ADCY9: variants seen among roughly 807,000 people sequenced by gnomAD.
ADCY9 encodes adenylate cyclase 9.
Under a neutral mutation model 101.5 loss-of-function variants are expected in ADCY9, and 50 were observed. The observed-to-expected ratio is 0.49, with a 90% CI of 0.39 to 0.62. ADCY9 has a LOEUF of 0.62. Ranked by LOEUF, ADCY9 falls within the 20% of genes least tolerant of loss-of-function variation. The pLI, the probability that ADCY9 is intolerant of heterozygous loss-of-function variation, is 0.00. For missense variants in ADCY9, 1,662 were observed against 1,800.4 expected (o/e 0.92, Z 1.39); for synonymous variants, 905 against 769.3 (o/e 1.18, Z -2.92).
At chr16:4,044,370 AC>A (rs1427837036) in intron 2 of ADCY9, among the ~76,000 whole-genome samples, 1 of 152,090 alleles carries the variant, frequency 6.6e-6, no homozygotes, top group Non-Finnish European at 1.5e-5. Flanking sequence ...AAACAAAAAA[AC>A]AAAAAAAAAA....
intron 2 of ADCY9, among the ~76,000 whole-genome samples, chr16:4,058,281 C>T (rs1337256161): frequency 2.7e-5 from 4 of 149,996 alleles, no homozygotes; most frequent in East Asian, 4.0e-4. Context: ...CTGGCCAACA[C>T]GGTAAAACCC....
chr16:4,056,800 G>A (rs1255527892), intron 2 of ADCY9, among the ~76,000 whole-genome samples: 1 of 152,176 alleles, frequency 6.6e-6, no homozygotes, highest in Non-Finnish European at 1.5e-5. Flanking sequence ...GACGATGGAG[G>A]TGCAGAGGTT....
chr16:4,067,697 C>A (rs1241144317), intron 2 of ADCY9, among the ~76,000 whole-genome samples: 1 of 152,104 alleles, frequency 6.6e-6, no homozygotes, highest in Non-Finnish European at 1.5e-5. Context: ...TGCAGCTGAC[C>A]CTCGGGAGAG....
At chr16:4,102,657 T>G (rs1208079850) in intron 2 of ADCY9, among the ~76,000 whole-genome samples, 5 of 152,156 alleles carry the variant, frequency 3.3e-5, no homozygotes, top group Admixed American at 3.3e-4. Flanking sequence ...ACTCCCGACC[T>G]CAGGTGATCC....
chr16:3,979,006 T>G, intron 8 of ADCY9, 110 bp downstream of exon 8: 1 of 1,411,938 alleles, frequency 7.1e-7, no homozygotes, highest in Non-Finnish European at 9.8e-7. Context: ...TGAGCCACCA[T>G]GCCTGGCCAA....
chr16:3,977,885 T>A (rs1196698996), intron 8 of ADCY9, among the ~76,000 whole-genome samples: 6 of 152,054 alleles, frequency 3.9e-5, no homozygotes, highest in Non-Finnish European at 8.8e-5. Context: ...CCTCGCTAAT[T>A]TTTGTATTTT....
chr16:4,040,144 T>A (rs531861799), intron 2 of ADCY9, among the ~76,000 whole-genome samples: 1 of 152,280 alleles, frequency 6.6e-6, no homozygotes, highest in African/African-American at 2.4e-5. Context: ...AGGCTAAAAT[T>A]TTGGTTTCTG....
intron 2 of ADCY9, among the ~76,000 whole-genome samples, chr16:4,031,353 A>G (rs1380088935): frequency 2.0e-5 from 3 of 152,194 alleles, no homozygotes; most frequent in African/African-American, 7.2e-5. Flanking sequence ...ACAAATATAG[A>G]TACACACACA....
chr16:3,965,988 A>C lies in ADCY9; in HGVS notation c.3849T>G (p.Pro1283=), dbSNP rs755711015. ...ATGTCTTGTCCACATACTGGACAGAAGGCACCAGGTTGGCAATCTCGTCTG... is the reference window on the plus strand; with the variant it reads ...ATGTCTTGTCCACATACTGGACAGACGGCACCAGGTTGGCAATCTCGTCTG... ...SPTDEIANLV[P]SVQYVDKTSL... Residue 1283 remains proline (P), a synonymous_variant, in exon 11 of 11, where the codon CCT becomes CCG. Coordinates refer to ENST00000294016, the MANE Select transcript of ADCY9 (RefSeq NM_001116.4). 6.2e-7 allele frequency: 1 copy of C among 1,614,184 alleles called. No individual in the cohort carries two copies. The highest frequency in any genetic ancestry group is 8.5e-7 in the Non-Finnish European group (1 of 1,180,044).
intron 2 of ADCY9, among the ~76,000 whole-genome samples, chr16:4,029,438 A>G (rs2056539695): frequency 6.6e-6 from 1 of 152,212 alleles, no homozygotes; most frequent in African/African-American, 2.4e-5. Flanking sequence ...TAGCCTGAAT[A>G]TAAAGAACTC....
intron 2 of ADCY9, among the ~76,000 whole-genome samples, chr16:4,103,596 G>A (rs1296507555): frequency 1.3e-5 from 2 of 152,210 alleles, no homozygotes; most frequent in South Asian, 2.1e-4. Context: ...TTGTGAGGCC[G>A]AGGTAGGGAG....
At chr16:4,057,615 G>A (rs533753193) in intron 2 of ADCY9, among the ~76,000 whole-genome samples, 18 of 152,258 alleles carry the variant, frequency 1.2e-4, no homozygotes, top group African/African-American at 3.9e-4. Flanking sequence ...AGTGGTTGAC[G>A]AATACCAAAG....
At chr16:3,981,687 G>A (rs986969634) in intron 7 of ADCY9, 2 of 152,092 alleles carry the variant, frequency 1.3e-5, no homozygotes, top group African/African-American at 2.4e-5. Context: ...CCACCTCCTG[G>A]GTTCAAGTTG....
chr16:4,010,864 C>T (rs531709841), intron 2 of ADCY9, among the ~76,000 whole-genome samples: 10 of 152,254 alleles, frequency 6.6e-5, no homozygotes, highest in South Asian at 4.1e-4. Flanking sequence ...TGGGATCAGG[C>T]GCCTGCATAA....
In ADCY9 at chr16:3,966,860, C is replaced by T; in HGVS notation, c.2977G>A (p.Val993Ile). 2 of 1,614,208 alleles carry T rather than the reference C, an allele frequency of 1.2e-6. No individual in the cohort carries two copies. The highest frequency in any genetic ancestry group is 1.7e-6 in the Non-Finnish European group (2 of 1,180,050). Residue 993 changes from valine to isoleucine, a missense_variant, in exon 11 of 11, where the codon GTC becomes ATC. By Grantham distance (29) the Val-to-Ile change is conservative. Coordinates refer to ENST00000294016, the MANE Select transcript of ADCY9 (RefSeq NM_001116.4). Reference protein sequence around the residue: ...VLVFFLLLLLVWFLNREFEVS... With the variant: ...VLVFFLLLLLIWFLNREFEVS... ...TCAAATTCGCGATTCAGGAACCAGA[C>T]CAACAAGAGCAGGAGAAAGAAGACG...
At chr16:3,995,173 A>G (rs913991682) in intron 3 of ADCY9, among the ~76,000 whole-genome samples, 8 of 152,266 alleles carry the variant, frequency 5.3e-5, no homozygotes, top group Non-Finnish European at 1.0e-4. Flanking sequence ...GGCGGCTGTA[A>G]TCCCAGCACT....
At chr16:4,103,466 G>A (rs2057056797) in intron 2 of ADCY9, among the ~76,000 whole-genome samples, 1 of 152,226 alleles carries the variant, frequency 6.6e-6, no homozygotes, top group Non-Finnish European at 1.5e-5. Context: ...AAACCAAACT[G>A]CACTAGCCCT....
At chr16:4,106,392 T>A (rs2057077177) in intron 2 of ADCY9, among the ~76,000 whole-genome samples, 1 of 152,124 alleles carries the variant, frequency 6.6e-6, no homozygotes, top group African/African-American at 2.4e-5. Flanking sequence ...CCCAGTCCCT[T>A]CCCTTCTGTT....
intron 2 of ADCY9, among the ~76,000 whole-genome samples, chr16:4,013,208 G>A (rs967806276): frequency 1.1e-4 from 16 of 151,314 alleles, no homozygotes; most frequent in African/African-American, 3.4e-4. Flanking sequence ...TGAGTGCGCC[G>A]TTGCACTCCA....
Sources: gnomAD v4.1 joint callset for allele counts (sites outside exome capture counted in the v4.1 genomes callset) on GRCh38, gnomAD v4.1.1 for gene constraint, MANE v1.5 for transcripts, NCBI Gene and HGNC (gene_info 2026-07-23, HGNC 2026-07-21) for gene names.